RGS12: variants seen among roughly 807,000 people sequenced by gnomAD.
RGS12 encodes regulator of G-protein signaling 12.
A neutral mutation model predicts 120.1 loss-of-function variants in RGS12; 66 were observed. The ratio of observed to expected loss-of-function variants is 0.55; its 90% CI spans 0.45 to 0.67. The LOEUF (loss-of-function observed/expected upper bound fraction) is 0.67. Among genes scored for constraint, RGS12 ranks in the 30% least tolerant of loss-of-function variants. The pLI, the probability that RGS12 is intolerant of heterozygous loss-of-function variation, is 0.00. For missense variants in RGS12, 1,859 were observed against 1,957.7 expected (o/e 0.95, Z 0.95); for synonymous variants, 827 against 804.7 (o/e 1.03, Z -0.47).
chr4:3,425,495 C>A lies in RGS12; in HGVS notation c.3266C>A (p.Ala1089Asp). ...SGEKEPLDLG[A>D]PISSLDGQRV... Reference sequence around the variant, plus strand: ...GAGAAGGAGCCCCTGGACCTTGGCGCCCCTATATCGAGTCTGGACGGACAG... The same window carrying A: ...GAGAAGGAGCCCCTGGACCTTGGCGACCCTATATCGAGTCTGGACGGACAG... Residue 1089 changes from alanine (A) to aspartate (D), a missense_variant, in exon 14 of 18, where the codon GCC (alanine) becomes GAC (aspartate). Coordinates refer to ENST00000336727, the MANE Select transcript of RGS12 (RefSeq NM_001394154.1). 2 of 1,612,216 alleles carry A rather than the reference C, an allele frequency of 1.2e-6. No individual in the cohort carries two copies. Among genetic ancestry groups the A allele is most frequent in the Non-Finnish European group, 1.7e-6 (2 of 1,179,784 alleles).
At position 3,366,134 on chromosome 4, in the gene RGS12, G is replaced by A. The variant is rs1716276741; in HGVS notation, c.1999-20282G>A. Among the ~76,000 whole-genome samples, 2 of 152,152 alleles carry A rather than the reference G, an allele frequency of 1.3e-5. No homozygotes were observed. The highest frequency in any genetic ancestry group is 1.3e-4 in the Admixed American group (2 of 15,276). ...GGCAGCACCATGACCCACCCGAGAA[G>A]GGCAATGGGGAAGGAAGGCAGGCAG... On this transcript the variant is annotated intron_variant, in intron 3 of 17. Transcript: ENST00000336727. The surrounding 1 kb of genome is among the most constrained non-coding windows in gnomAD (Gnocchi z 4.0).
intron 17 of RGS12, among the ~76,000 whole-genome samples, chr4:3,435,211 C>T (rs1298823240): frequency 6.6e-6 from 1 of 152,132 alleles, no homozygotes; most frequent in Non-Finnish European, 1.5e-5. Flanking sequence ...GTTTGCCTGC[C>T]GGGGCTTCTG....
At chr4:3,352,729 T>C (rs1329692894) in intron 3 of RGS12, among the ~76,000 whole-genome samples, 7 of 152,208 alleles carry the variant, frequency 4.6e-5, no homozygotes, top group Admixed American at 2.6e-4. Flanking sequence ...AATTTGCGTA[T>C]GTGTGTAAGG....
At position 3,323,872 on chromosome 4, in the gene RGS12, T is replaced by TGAGA. The variant is rs72232319; in HGVS notation, c.1881+5854_1881+5857dup. On this transcript the variant is annotated intron_variant, in intron 2 of 17. Coordinates refer to ENST00000336727, the MANE Select transcript of RGS12 (RefSeq NM_001394154.1). ...AGTAGTGTGTGTGTGTGTGTGTGTG[T>TGAGA]GAGAGAGAGAGAGAGAGAGAGAGAG... is the stretch of plus-strand genomic sequence containing the variant. 4.2e-4 allele frequency: 58 copies of TGAGA among 138,796 alleles called. 3 individuals carry two copies. Among genetic ancestry groups the TGAGA allele is most frequent in the Admixed American group, 2.1e-3 (29 of 13,922 alleles). The allele number at this position is 138,796 out of a possible 1,614,324, so 8.6% of individuals were successfully genotyped here. A position where few individuals can be genotyped will look rare whatever the true frequency, so the allele number is the denominator to read the frequency against.
In RGS12 at chr4:3,414,840, A is replaced by T; in HGVS notation, c.2279A>T (p.Lys760Met). 6.2e-7 allele frequency: 1 copy of T among 1,610,954 alleles called. No individual in the cohort carries two copies. Among genetic ancestry groups the T allele is most frequent in the Non-Finnish European group, 8.5e-7 (1 of 1,177,082 alleles). The change falls in exon 6 of 18, where the codon AAG (lysine) becomes ATG (methionine). Residue 760 changes from lysine to methionine, a missense_variant. Lys to Met is a moderately conservative substitution (Grantham distance 95). This residue lies in a region of RGS12 where 375 missense variants were observed against 475.0 expected (regional missense o/e 0.79). Coordinates refer to ENST00000336727, the MANE Select transcript of RGS12 (RefSeq NM_001394154.1). Reference sequence around the variant, plus strand: ...AATCATGTTCCTGCACATGACAAAAAGGAGGTAAGTCCACGCTTGGGAAGT... The same window carrying T: ...AATCATGTTCCTGCACATGACAAAATGGAGGTAAGTCCACGCTTGGGAAGT... ...YFNHVPAHDK[K>M]ELSYRAREIF...
upstream of RGS12, among the ~76,000 whole-genome samples, chr4:3,291,684 G>T (rs1723030721): frequency 6.6e-6 from 1 of 152,236 alleles, no homozygotes; most frequent in African/African-American, 2.4e-5. Context: ...TCAAGGGCTG[G>T]CTGTGTCCCT....
intron 2 of RGS12, among the ~76,000 whole-genome samples, chr4:3,327,063 A>G (rs980835004): frequency 2.6e-5 from 4 of 152,258 alleles, no homozygotes; most frequent in Admixed American, 6.5e-5. Context: ...TTCAAATTAT[A>G]CAAGGCTGTA....
intron 2 of RGS12, among the ~76,000 whole-genome samples, chr4:3,332,488 A>C (rs1711971861): frequency 6.6e-6 from 1 of 152,210 alleles, no homozygotes; most frequent in Non-Finnish European, 1.5e-5. Context: ...CGCACTAGTG[A>C]GCATTCTTGT....
chr4:3,309,081 G>GA (rs1433047572), intron 1 of RGS12, among the ~76,000 whole-genome samples: 3 of 125,500 alleles, frequency 2.4e-5, no homozygotes, highest in Non-Finnish European at 5.2e-5. Context: ...TGGGACTCGG[G>GA]AATGGCAGGT....
intron 4 of RGS12, chr4:3,413,851 C>A: frequency 1.9e-6 from 1 of 533,676 alleles, no homozygotes; most frequent in Non-Finnish European, 3.4e-6. Context: ...CACACATGTG[C>A]AGCCGCTCAA....
chr4:3,317,581 C>A lies in RGS12; in HGVS notation c.1411C>A (p.Pro471Thr). ...GGRGAQPWGA[P>T]WTGPFCPDPE... ...GAGGGGTGCCCAGCCCTGGGGTGCT[C>A]CCTGGACTGGGCCCTTCTGTCCGGA... The change falls in exon 2 of 18, where the codon CCC becomes ACC. Residue 471 changes from proline (P) to threonine (T), a missense_variant. This residue lies in a region of RGS12 where 967 missense variants were observed against 994.2 expected (regional missense o/e 0.97). Coordinates refer to ENST00000336727, the MANE Select transcript of RGS12 (RefSeq NM_001394154.1). 1.3e-6 allele frequency: 2 copies of A among 1,599,962 alleles called. No individual in the cohort carries two copies. The highest frequency in any genetic ancestry group is 1.7e-6 in the Non-Finnish European group (2 of 1,173,402).
At chr4:3,388,302 C>T (rs1421408213) in intron 4 of RGS12, among the ~76,000 whole-genome samples, 6 of 152,244 alleles carry the variant, frequency 3.9e-5, no homozygotes, top group African/African-American at 1.2e-4. Context: ...TTTCAGGAAC[C>T]GCAGTGGGCG....
chr4:3,308,296 G>A (rs554648407), intron 1 of RGS12, among the ~76,000 whole-genome samples: 2 of 152,370 alleles, frequency 1.3e-5, no homozygotes, highest in Non-Finnish European at 1.5e-5. Flanking sequence ...AACAGCCGGC[G>A]TTAGTAAGAG....
In RGS12 at chr4:3,439,788, G is replaced by A; in HGVS notation, c.*104G>A. 8.5e-7 allele frequency: 1 copy of A among 1,172,026 alleles called. No individual in the cohort carries two copies. Among genetic ancestry groups the A allele is most frequent in the Non-Finnish European group, 1.2e-6 (1 of 858,492 alleles). 72.6% of individuals were successfully genotyped at this position (1,172,026 alleles called of 1,614,324 possible). On this transcript the variant is annotated 3_prime_UTR_variant, in exon 18 of 18. Coordinates refer to ENST00000336727, the MANE Select transcript of RGS12 (RefSeq NM_001394154.1). The stretch of plus-strand genomic sequence containing the variant: ...GCCACCCTGGCCACCACACCCTCAG[G>A]AGCCCAGCCAGGAGGGCAGGGGGTG...
chr4:3,431,159 TC>T (rs1354321570), intron 17 of RGS12: 48 of 1,416,046 alleles, frequency 3.4e-5, no homozygotes, highest in Non-Finnish European at 4.0e-5. Flanking sequence ...GTCAGGATGG[TC>T]CCCCCGAGGC....
At chr4:3,308,587 G>A (rs1724106262) in intron 1 of RGS12, among the ~76,000 whole-genome samples, 1 of 152,238 alleles carries the variant, frequency 6.6e-6, no homozygotes, top group African/African-American at 2.4e-5. Flanking sequence ...GTCTCCCCAG[G>A]CCACCACCTG....
chr4:3,409,832 G>T (rs944134538), intron 4 of RGS12, among the ~76,000 whole-genome samples: 2 of 152,186 alleles, frequency 1.3e-5, no homozygotes, highest in African/African-American at 4.8e-5. Flanking sequence ...CTGTCTTCCC[G>T]TCCTGGTTCT....
At chr4:3,380,622 C>T (rs1364910522) in intron 3 of RGS12, among the ~76,000 whole-genome samples, 1 of 152,208 alleles carries the variant, frequency 6.6e-6, no homozygotes, top group African/African-American at 2.4e-5. Flanking sequence ...GACTTCTTTG[C>T]CCAATACCAC....
chr4:3,362,633 G>T (rs1383400728), intron 3 of RGS12, among the ~76,000 whole-genome samples: 2 of 140,120 alleles, frequency 1.4e-5, no homozygotes, highest in African/African-American at 5.5e-5. Flanking sequence ...GTGTGTGAAT[G>T]TGAGAGTGAG....
Sources: allele counts gnomAD v4.1 joint callset (sites outside exome capture counted in the v4.1 genomes callset), GRCh38; gene constraint gnomAD v4.1.1; regional missense constraint gnomAD v4.1.1; non-coding constraint Gnocchi (gnomAD v3.1); transcripts MANE v1.5; gene names NCBI Gene and HGNC (gene_info 2026-07-23, HGNC 2026-07-21).